The following GLRA3 variants were observed in gnomAD, a reference collection of about 807,000 sequenced individuals.
The protein encoded by GLRA3 is glycine receptor subunit alpha-3.
Under a neutral mutation model 60.4 loss-of-function variants are expected in GLRA3, and 44 were observed. The observed-to-expected ratio is 0.73, with a 90% CI of 0.57 to 0.94. The LOEUF (loss-of-function observed/expected upper bound fraction) is 0.94. Ranked by LOEUF, GLRA3 falls within the 40% of genes least tolerant of loss-of-function variation. The pLI is 0.00. For missense variants in GLRA3, 508 were observed against 564.6 expected (o/e 0.90, Z 1.02); for synonymous variants, 223 against 192.9 (o/e 1.16, Z -1.29).
At chr4:174,773,555 C>T (rs1352106580) in intron 2 of GLRA3, among the ~76,000 whole-genome samples, 1 of 152,066 alleles carries the variant, frequency 6.6e-6, no homozygotes, top group Non-Finnish European at 1.5e-5. Flanking sequence ...TTTAAAGACA[C>T]AGAATGCAAC....
chr4:174,770,991 C>T (rs993882847), intron 2 of GLRA3, among the ~76,000 whole-genome samples: 5 of 147,344 alleles, frequency 3.4e-5, no homozygotes, highest in African/African-American at 7.5e-5. Flanking sequence ...GACAAAAAAC[C>T]AAAAACCACA....
intron 3 of GLRA3, among the ~76,000 whole-genome samples, chr4:174,756,649 CTT>C (rs36089597): frequency 1.4e-5 from 2 of 142,544 alleles, no homozygotes; most frequent in Non-Finnish European, 1.5e-5. Context: ...TCTTTTTTTT[CTT>C]TTTTTTTTTT....
At chr4:174,690,526 G>T (rs1216383214) in intron 5 of GLRA3, among the ~76,000 whole-genome samples, 8 of 152,032 alleles carry the variant, frequency 5.3e-5, no homozygotes, top group Admixed American at 5.2e-4. Flanking sequence ...TAAATTTTAG[G>T]TTTGAGGGTA....
At chr4:174,720,933 C>A (rs1249350425) in intron 4 of GLRA3, among the ~76,000 whole-genome samples, 19 of 151,852 alleles carry the variant, frequency 1.3e-4, no homozygotes, top group Non-Finnish European at 2.8e-4. Flanking sequence ...CTCTGACAAG[C>A]CAGAACTGGG....
chr4:174,698,061 A>G (rs920596804), intron 5 of GLRA3, among the ~76,000 whole-genome samples: 12 of 152,224 alleles, frequency 7.9e-5, no homozygotes, highest in Non-Finnish European at 1.5e-4. Flanking sequence ...AATTCACTAA[A>G]TAGGCCCCAA....
intron 1 of GLRA3, among the ~76,000 whole-genome samples, chr4:174,795,765 G>A (rs1444914748): frequency 6.6e-6 from 1 of 152,150 alleles, no homozygotes; most frequent in Non-Finnish European, 1.5e-5. Flanking sequence ...ACACAAATCT[G>A]AATCTTTAAA....
chr4:174,655,973 T>G (rs1733180796), intron 9 of GLRA3, among the ~76,000 whole-genome samples: 1 of 152,108 alleles, frequency 6.6e-6, no homozygotes, highest in Non-Finnish European at 1.5e-5. Context: ...GGAGAACTAC[T>G]TATAAATATA....
intron 1 of GLRA3, among the ~76,000 whole-genome samples, chr4:174,797,001 A>G (rs1483748978): frequency 6.6e-6 from 1 of 152,192 alleles, no homozygotes; most frequent in Non-Finnish European, 1.5e-5. Flanking sequence ...TAGTCATTTA[A>G]GGGAACTCAC....
At chr4:174,692,739 C>T (rs1287062706) in intron 5 of GLRA3, among the ~76,000 whole-genome samples, 1 of 151,376 alleles carries the variant, frequency 6.6e-6, no homozygotes, top group Non-Finnish European at 1.5e-5. Context: ...TGCTTGAAGG[C>T]AGCATGCTCG....
chr4:174,659,236 A>G, intron 7 of GLRA3, 39 bp from the exon 8 acceptor site: 1 of 1,512,850 alleles, frequency 6.6e-7, no homozygotes, highest in East Asian at 2.3e-5. Context: ...AAATTCACTT[A>G]TATTGTTACT....
At chr4:174,706,556 A>C (rs889887570) in intron 5 of GLRA3, among the ~76,000 whole-genome samples, 1 of 152,232 alleles carries the variant, frequency 6.6e-6, no homozygotes, top group Non-Finnish European at 1.5e-5. Flanking sequence ...TTCAGGCTAT[A>C]CATTTAATTT....
chr4:174,695,512 G>C (rs553546817), intron 5 of GLRA3, among the ~76,000 whole-genome samples: 26 of 152,142 alleles, frequency 1.7e-4, no homozygotes, highest in Non-Finnish European at 3.5e-4. Flanking sequence ...AATAGACTCA[G>C]AGAAAGCTTT....
At chr4:174,781,947 A>C (rs977932715) in intron 2 of GLRA3, among the ~76,000 whole-genome samples, 7 of 151,898 alleles carry the variant, frequency 4.6e-5, no homozygotes, top group African/African-American at 1.7e-4. Flanking sequence ...AAAAGAGGGA[A>C]TCCTTCCTAA....
chr4:174,656,126 T>C (rs1427155682), intron 9 of GLRA3, among the ~76,000 whole-genome samples: 3 of 152,128 alleles, frequency 2.0e-5, no homozygotes, highest in African/African-American at 7.2e-5. Context: ...AGACCCAAAC[T>C]ATCTATTTTA....
At chr4:174,784,906 A>T (rs1185440899) in intron 2 of GLRA3, among the ~76,000 whole-genome samples, 1 of 152,168 alleles carries the variant, frequency 6.6e-6, no homozygotes, top group African/African-American at 2.4e-5. Context: ...AATGTTTCAG[A>T]TAAATTAATA....
chr4:174,681,123 G>A (rs1472074479), intron 6 of GLRA3, among the ~76,000 whole-genome samples: 3 of 152,102 alleles, frequency 2.0e-5, no homozygotes, highest in African/African-American at 4.8e-5. Flanking sequence ...AGATCTCTAC[G>A]ATACCACCCA....
At chr4:174,645,783 A>G (rs1732793852) in intron 9 of GLRA3, among the ~76,000 whole-genome samples, 1 of 152,174 alleles carries the variant, frequency 6.6e-6, no homozygotes. Context: ...TTTAACAAGC[A>G]TGTTCATTTA....
rs144229606 is a variant in GLRA3, at chr4:174,642,639, G to T, written c.*1147C>A. 3 of 829,840 alleles carry T rather than the reference G, an allele frequency of 3.6e-6. No homozygotes were observed. In the African/African-American group the frequency reaches 5.5e-5, roughly 15 times the overall value. The allele number at this position is 829,840 out of a possible 1,614,324, so 51.4% of individuals were successfully genotyped here. A position where few individuals can be genotyped will look rare whatever the true frequency, so the allele number is the denominator to read the frequency against. ...TCATTTAAAATTATTCACATCTTGC[G>T]AATGGCTTAGATTTTGAAATCATTA... On this transcript the variant is annotated 3_prime_UTR_variant, in exon 10 of 10. Coordinates refer to ENST00000274093, the MANE Select transcript of GLRA3 (RefSeq NM_006529.4).
intron 3 of GLRA3, among the ~76,000 whole-genome samples, chr4:174,766,236 T>C (rs771371764): frequency 3.9e-5 from 6 of 151,968 alleles, no homozygotes; most frequent in Non-Finnish European, 5.9e-5. Flanking sequence ...ACAAAGACAA[T>C]TCTAGCTAAT....
Sources: allele counts gnomAD v4.1 joint callset (sites outside exome capture counted in the v4.1 genomes callset), GRCh38; gene constraint gnomAD v4.1.1; transcripts MANE v1.5; gene names NCBI Gene and HGNC (gene_info 2026-07-23, HGNC 2026-07-21).